The following HDAC7 variants were observed in gnomAD, a reference collection of about 807,000 sequenced individuals.
HDAC7 encodes histone deacetylase 7, also known as histone deacetylase 7A.
In HDAC7, 26 loss-of-function variants were observed where a neutral mutation model predicts 115.5. The observed-to-expected ratio is 0.23, with a 90% CI of 0.16 to 0.31. The LOEUF (loss-of-function observed/expected upper bound fraction) is 0.31. Ranked by LOEUF, HDAC7 falls within the 10% of genes least tolerant of loss-of-function variation. The pLI, the probability that HDAC7 is intolerant of heterozygous loss-of-function variation, is 1.00. For missense variants in HDAC7, 1,068 were observed against 1,329.0 expected (o/e 0.80, Z 3.05); for synonymous variants, 564 against 550.9 (o/e 1.02, Z -0.33).
chr12:47,804,524 G>GA lies in HDAC7; in HGVS notation c.20-2251dup, dbSNP rs35819372. Among the ~76,000 whole-genome samples, 749 of 129,568 alleles carry GA rather than the reference G, an allele frequency of 5.8e-3. 2 individuals carry two copies. Among genetic ancestry groups the GA allele is most frequent in the African/African-American group, 0.012 (428 of 35,946 alleles). The allele number at this position is 129,568 out of a possible 152,430, so 85.0% of individuals were successfully genotyped here. On this transcript the variant is annotated intron_variant, in intron 1 of 25. Transcript: ENST00000080059. ...GTTACTACTAATTTGGGGTCAGCCT[G>GA]AAAAAAAAAAAAAAAAGAGAAGTAA...
In HDAC7 at chr12:47,797,855, G is replaced by GGTGGGTGTGTGT. The variant is rs1943942333; in HGVS notation, c.461+252_461+253insACACACACCCAC. Among the ~76,000 whole-genome samples the GGTGGGTGTGTGT allele has an allele frequency of 8.1e-6, 1 of 123,876 alleles. No individual in the cohort carries two copies. Among genetic ancestry groups the GGTGGGTGTGTGT allele is most frequent in the Admixed American group, 8.0e-5 (1 of 12,438 alleles). The allele number at this position is 123,876 out of a possible 152,430, so 81.3% of individuals were successfully genotyped here. On this transcript the variant is annotated intron_variant, in intron 5 of 25. Coordinates refer to ENST00000080059, the MANE Select transcript of HDAC7 (RefSeq NM_015401.5). The surrounding 1 kb of genome is among the most constrained non-coding windows in gnomAD (Gnocchi z 5.5). ...TCATGTGCAAGAAAAAAGCCAGTAG[G>GGTGGGTGTGTGT]GTGTGTGTGTGTGTGTGTGTGTGTG...
intron 2 of HDAC7, 68 bp downstream of exon 2, chr12:47,802,156 G>A (rs2525051): frequency 3.3e-6 from 5 of 1,503,982 alleles, no homozygotes; most frequent in East Asian, 2.4e-5. Flanking sequence ...AGCTTCTCGC[G>A]TTCTTACAGC....
Position 47,819,833 on chromosome 12 carries a change from G to A in HDAC7, c.-48C>T, listed in dbSNP as rs987569172. Reference sequence around the variant, plus strand: ...CGGGGGGCTCATGGCGGGGCGGGGGGCTGGGGCGCCGGCCTCACATCCCCC... The same window carrying A: ...CGGGGGGCTCATGGCGGGGCGGGGGACTGGGGCGCCGGCCTCACATCCCCC... On this transcript the variant is annotated 5_prime_UTR_variant, in exon 1 of 26. Transcript: ENST00000080059. The A allele has an allele frequency of 4.7e-5, 9 of 190,552 alleles. No individual in the cohort carries two copies. The highest frequency in any genetic ancestry group is 1.4e-4 in the African/African-American group (6 of 41,772). The allele number at this position is 190,552 out of a possible 1,614,324, so 11.8% of individuals were successfully genotyped here.
chr12:47,819,919 G>C (rs565366558), upstream of HDAC7: 1 of 156,440 alleles, frequency 6.4e-6, no homozygotes, highest in South Asian at 2.0e-4. Context: ...GGGCCGGGAG[G>C]GGGAGGGCCC....
At chr12:47,785,653 C>A in intron 23 of HDAC7, 99 bp downstream of exon 23, 1 of 1,463,886 alleles carries the variant, frequency 6.8e-7, no homozygotes, top group Non-Finnish European at 9.1e-7. Flanking sequence ...CTTGGCCACT[C>A]CCACCCTGTC....
chr12:47,801,301 A>G (rs1367491897), intron 2 of HDAC7, among the ~76,000 whole-genome samples: 1 of 152,236 alleles, frequency 6.6e-6, no homozygotes, highest in Non-Finnish European at 1.5e-5. Flanking sequence ...AGTACCTAGC[A>G]CATGACAGGC....
intron 1 of HDAC7, chr12:47,802,569 C>T: frequency 2.6e-6 from 3 of 1,146,094 alleles, no homozygotes; most frequent in Non-Finnish European, 2.5e-6. Context: ...CCCAGCAGTG[C>T]CCTCAGCCCT....
chr12:47,790,125 G>A (rs1371312553), intron 16 of HDAC7: 1 of 583,936 alleles, frequency 1.7e-6, no homozygotes, highest in African/African-American at 1.9e-5. Context: ...TTAAGTCCCA[G>A]CACCAGCCCA....
chr12:47,806,947 T>C (rs1402720131), intron 1 of HDAC7, among the ~76,000 whole-genome samples: 1 of 146,646 alleles, frequency 6.8e-6, no homozygotes, highest in Admixed American at 6.7e-5. Flanking sequence ...CTCTCTCTCT[T>C]TTTTTTTTTT....
chr12:47,791,193 G>C lies in HDAC7; in HGVS notation c.1983+66C>G, dbSNP rs1275914361. The C allele has an allele frequency of 3.5e-6, 5 of 1,439,036 alleles. No individual in the cohort carries two copies. The Admixed American group carries it at 7.7e-5, about 22-fold the overall frequency. The allele number at this position is 1,439,036 out of a possible 1,614,324, so 89.1% of individuals were successfully genotyped here. A position where few individuals can be genotyped will look rare whatever the true frequency, so the allele number is the denominator to read the frequency against. On this transcript the variant is annotated intron_variant, in intron 16 of 25. Coordinates refer to ENST00000080059, the MANE Select transcript of HDAC7 (RefSeq NM_015401.5). ...GAGGTTCTGCAGGGGCTGGGCCTGG[G>C]AGAACCACAGGGAGGAGAGCTGAGA...
intron 15 of HDAC7, 96 bp from the exon 16 acceptor site, chr12:47,791,404 TGG>T: frequency 7.1e-7 from 1 of 1,404,000 alleles, no homozygotes; most frequent in Non-Finnish European, 9.6e-7. Flanking sequence ...GGGTGAGTAT[TGG>T]GGGAGAGAAA....
intron 21 of HDAC7, 50 bp from the exon 22 acceptor site, chr12:47,786,753 G>A: frequency 6.8e-7 from 1 of 1,480,750 alleles, no homozygotes. Flanking sequence ...GGGTTGCCAG[G>A]GGCGGTCCTG....
Position 47,803,893 on chromosome 12 carries a change from C to T in HDAC7, c.20-1619G>A, listed in dbSNP as rs545576348. Among the ~76,000 whole-genome samples, 15 of 152,302 alleles carry T rather than the reference C, an allele frequency of 9.8e-5. No individual in the cohort carries two copies. The highest frequency in any genetic ancestry group is 1.5e-4 in the Non-Finnish European group (10 of 68,022). On this transcript the variant is annotated intron_variant, in intron 1 of 25. Transcript: ENST00000080059. This position sits in a 1 kb window ranked among gnomAD's most constrained non-coding sequence, Gnocchi z 4.0. ...TCTTCTTTCTTCTGCAGGACCTGGT[C>T]CTCCCAGAGGTTTCTGGACTGGGCT...
rs1240716940 is a variant in HDAC7 at position 47,791,485 on chromosome 12, G to A, written c.1933+101C>T. On this transcript the variant is annotated intron_variant, in intron 15 of 25. Coordinates refer to ENST00000080059, the MANE Select transcript of HDAC7 (RefSeq NM_015401.5). The stretch of plus-strand genomic sequence containing the variant: ...GCAAGCTGGAGTAGGGACGTCCAGG[G>A]TGCAGGAGGAGGCTGGCTGGGCGGG... 4.1e-6 allele frequency: 6 copies of A among 1,481,442 alleles called. No homozygotes were observed. The Admixed American group carries it at 1.2e-4, about 30-fold the overall frequency. 91.8% of individuals were successfully genotyped at this position (1,481,442 alleles called of 1,614,324 possible).
chr12:47,797,263 C>T lies in HDAC7; in HGVS notation c.577+121G>A. 13 of 1,556,570 alleles carry T rather than the reference C, an allele frequency of 8.4e-6. No homozygotes were observed. In the South Asian group the frequency reaches 1.4e-4, roughly 17 times the overall value. On this transcript the variant is annotated intron_variant, in intron 6 of 25. Transcript: ENST00000080059. The surrounding 1 kb of genome is among the most constrained non-coding windows in gnomAD (Gnocchi z 5.5). ...GAGAAGGCAGAACTAGAAAGAAGAT[C>T]CTAGCCTACCGATGATCTCCTGGCC...
At chr12:47,812,959 G>A (rs11168247) in intron 1 of HDAC7, 14 of 152,222 alleles carry the variant, frequency 9.2e-5, no homozygotes, top group African/African-American at 3.4e-4. Context: ...TGGGGGGCGA[G>A]GCCTGCGCTC....
Position 47,798,088 on chromosome 12 carries a change from G to A in HDAC7, c.461+20C>T, listed in dbSNP as rs1565567607. On this transcript the variant is annotated intron_variant, in intron 5 of 25. Transcript: ENST00000080059. This position sits in a 1 kb window ranked among gnomAD's most constrained non-coding sequence, Gnocchi z 4.3. ...GGAGGGTGCATGTGGGGACAGGAGG[G>A]CAGGTGAGGAGGGTGTTACCTGTAG... 1 of 1,552,894 alleles carries A rather than the reference G, an allele frequency of 6.4e-7. No homozygotes were observed. The highest frequency in any genetic ancestry group is 8.9e-7 in the Non-Finnish European group (1 of 1,124,348).
At position 47,787,506 on chromosome 12, in the gene HDAC7, C is replaced by T. The variant is rs565778999; in HGVS notation, c.2453+206G>A. On this transcript the variant is annotated intron_variant, in intron 21 of 25. Coordinates refer to ENST00000080059, the MANE Select transcript of HDAC7 (RefSeq NM_015401.5). The stretch of plus-strand genomic sequence containing the variant: ...CTGCCAGCAATCAGTTTGACATTGG[C>T]TCTCGGTAATGTATGCCTTTGCAAA... 5.3e-5 allele frequency among the ~76,000 whole-genome samples: 8 copies of T among 152,374 alleles called. No homozygotes were observed. In the South Asian group the frequency reaches 1.7e-3, roughly 32 times the overall value.
At chr12:47,806,697 A>G (rs567210923) in intron 1 of HDAC7, among the ~76,000 whole-genome samples, 1 of 152,248 alleles carries the variant, frequency 6.6e-6, no homozygotes, top group Admixed American at 6.5e-5. Context: ...TCAAAAACAA[A>G]AACAAAAACA....
Sources: allele counts gnomAD v4.1 joint callset (sites outside exome capture counted in the v4.1 genomes callset), GRCh38; gene constraint gnomAD v4.1.1; non-coding constraint Gnocchi (gnomAD v3.1); transcripts MANE v1.5; gene names NCBI Gene and HGNC (gene_info 2026-07-23, HGNC 2026-07-21).